Variants in THSD7A observed in about 807,000 individuals in gnomAD.
THSD7A encodes thrombospondin type-1 domain-containing protein 7A.
In THSD7A, 96 loss-of-function variants were observed where a neutral mutation model predicts 231.3. That is an observed-to-expected ratio of 0.41 (90% CI 0.35 to 0.49). The LOEUF is 0.49. THSD7A is among the 20% of genes least tolerant of loss of function. The probability of loss-of-function intolerance (pLI) is 0.05; values close to 1 mark genes in which losing one functional copy is unlikely to be tolerated. For missense variants in THSD7A, 2,290 were observed against 2,070.2 expected, an observed-to-expected ratio of 1.11 and a Z score of -2.06; for synonymous variants, 940 against 743.3, an observed-to-expected ratio of 1.26 and a Z score of -4.30.
At chr7:11,717,290 T>G (rs555751364) in intron 1 of THSD7A, among the ~76,000 whole-genome samples, 1 of 151,826 alleles carries the variant, frequency 6.6e-6, no homozygotes, top group African/African-American at 2.4e-5. Context: ...AATAACCACA[T>G]GCACTGGGAT....
chr7:11,573,316 T>C (rs1257784385), intron 4 of THSD7A, among the ~76,000 whole-genome samples: 4 of 152,232 alleles, frequency 2.6e-5, no homozygotes, highest in African/African-American at 7.2e-5. Flanking sequence ...ACTGAGACTC[T>C]TGGACTCTGT....
At chr7:11,556,404 C>A (rs1789847189) in intron 4 of THSD7A, among the ~76,000 whole-genome samples, 1 of 151,572 alleles carries the variant, frequency 6.6e-6, no homozygotes, top group Non-Finnish European at 1.5e-5. Flanking sequence ...AAATCTTACC[C>A]TCCCTCATTT....
chr7:11,394,064 T>G (rs80098693), intron 23 of THSD7A, among the ~76,000 whole-genome samples: 2 of 151,958 alleles, frequency 1.3e-5, no homozygotes, highest in African/African-American at 4.8e-5. Flanking sequence ...CACATAATCA[T>G]CCGATTCACA....
At chr7:11,706,856 A>G (rs1470137552) in intron 1 of THSD7A, among the ~76,000 whole-genome samples, 1 of 150,622 alleles carries the variant, frequency 6.6e-6, no homozygotes, top group Non-Finnish European at 1.5e-5. Context: ...GTCATTAGTC[A>G]TCTTCTTGTC....
intron 26 of THSD7A, 69 bp downstream of exon 26, chr7:11,379,001 T>C: frequency 6.7e-7 from 1 of 1,492,576 alleles, no homozygotes; most frequent in Non-Finnish European, 9.2e-7. Context: ...TTTGCTCACT[T>C]TTTTAATCCT....
intron 11 of THSD7A, among the ~76,000 whole-genome samples, chr7:11,459,665 ATTTTTTTTTT>A (rs34415355): frequency 0.2 from 8,130 of 39,774 alleles, 665 homozygotes; most frequent in Admixed American, 0.22. Flanking sequence ...AAAACAGGGG[ATTTTTTTTTT>A]TTTTTTTTTT....
At position 11,469,904 on chromosome 7, in the gene THSD7A, T is replaced by C. The variant is rs1562634963; in HGVS notation, c.2343A>G (p.Thr781=). Residue 781 remains threonine (T), a synonymous_variant, in exon 9 of 28, where the codon ACA becomes ACG. Coordinates refer to ENST00000423059, the MANE Select transcript of THSD7A (RefSeq NM_015204.3). ...DCIVTPYSDW[T]SCPSSCKEGD... is the part of the protein sequence containing the mutation. ...CTTCTTTACACGAAGAGGGGCATGA[T>C]GTCCAGTCACTATATGGGGTCACAA... 1 of 1,600,466 alleles carries C rather than the reference T, an allele frequency of 6.2e-7. No individual in the cohort carries two copies. Among genetic ancestry groups the C allele is most frequent in the Non-Finnish European group, 8.5e-7 (1 of 1,172,546 alleles).
intron 1 of THSD7A, chr7:11,820,217 A>T (rs567146190): frequency 1.9e-5 from 7 of 359,046 alleles, no homozygotes; most frequent in Non-Finnish European, 2.6e-5. Context: ...TGGGGGTAGG[A>T]TTTTTCAGAA....
At chr7:11,531,048 G>A (rs1788689442) in intron 6 of THSD7A, among the ~76,000 whole-genome samples, 2 of 152,108 alleles carry the variant, frequency 1.3e-5, no homozygotes, top group South Asian at 2.1e-4. Context: ...GCTGAATGAT[G>A]TGATCAAGAG....
At position 11,590,379 on chromosome 7, in the gene THSD7A, G is replaced by A; in HGVS notation, c.1453+81C>T. The stretch of plus-strand genomic sequence containing the variant: ...AAATGCAGCCCTCATAACCTGGATG[G>A]CTGTGTATATATCCCTTCAGAGCAA... On this transcript the variant is annotated intron_variant, in intron 4 of 27. Transcript: ENST00000423059. This position sits in a 1 kb window ranked among gnomAD's most constrained non-coding sequence, Gnocchi z 4.4. 7.0e-7 allele frequency: 1 copy of A among 1,430,264 alleles called. No individual in the cohort carries two copies. Among genetic ancestry groups the A allele is most frequent in the South Asian group, 1.4e-5 (1 of 69,660 alleles). 88.6% of individuals were successfully genotyped at this position (1,430,264 alleles called of 1,614,324 possible).
intron 2 of THSD7A, among the ~76,000 whole-genome samples, chr7:11,623,507 A>G (rs1781383273): frequency 6.6e-6 from 1 of 152,128 alleles, no homozygotes; most frequent in South Asian, 2.1e-4. Flanking sequence ...CTCAGGGCAG[A>G]CTTCCTGATT....
At chr7:11,568,888 G>A (rs1790494665) in intron 4 of THSD7A, among the ~76,000 whole-genome samples, 2 of 150,130 alleles carry the variant, frequency 1.3e-5, no homozygotes, top group Admixed American at 6.6e-5. Context: ...AAAGTTGCAA[G>A]ATACAAAATT....
chr7:11,404,109 T>C (rs1455579921), intron 22 of THSD7A, among the ~76,000 whole-genome samples: 1 of 152,134 alleles, frequency 6.6e-6, no homozygotes, highest in Non-Finnish European at 1.5e-5. Flanking sequence ...GTAATTTTCC[T>C]TCACATCATT....
chr7:11,482,857 C>G (rs548923292), intron 6 of THSD7A, among the ~76,000 whole-genome samples: 2 of 152,116 alleles, frequency 1.3e-5, no homozygotes, highest in South Asian at 4.2e-4. Flanking sequence ...ATATAAAAGG[C>G]CAATGAGAAA....
rs781703042 is a variant in THSD7A, at chr7:11,444,518, T to C, written c.3064+1543A>G. Among the ~76,000 whole-genome samples the C allele has an allele frequency of 2.6e-5, 4 of 151,830 alleles. No individual in the cohort carries two copies. The highest frequency in any genetic ancestry group is 5.9e-5 in the Non-Finnish European group (4 of 67,954). ...AACACAAGAACAGAAAACCAAACTC[T>C]GCATGTTCTCACTCAAAAGTGAAAG... On this transcript the variant is annotated intron_variant, in intron 13 of 27. Coordinates refer to ENST00000423059, the MANE Select transcript of THSD7A (RefSeq NM_015204.3). The surrounding 1 kb of genome is among the most constrained non-coding windows in gnomAD (Gnocchi z 4.2).
At chr7:11,576,365 T>C (rs1790904704) in intron 4 of THSD7A, among the ~76,000 whole-genome samples, 1 of 152,214 alleles carries the variant, frequency 6.6e-6, no homozygotes, top group Non-Finnish European at 1.5e-5. Context: ...TCTGAAGCCA[T>C]CAATTTGAGT....
At chr7:11,776,772 A>C (rs1021448137) in intron 1 of THSD7A, among the ~76,000 whole-genome samples, 3 of 152,206 alleles carry the variant, frequency 2.0e-5, no homozygotes, top group African/African-American at 7.2e-5. Flanking sequence ...CTAGTAAAAT[A>C]GTTTTTATAT....
chr7:11,465,427 A>G (rs1332055516), intron 9 of THSD7A, among the ~76,000 whole-genome samples: 2 of 152,160 alleles, frequency 1.3e-5, no homozygotes, highest in Admixed American at 6.6e-5. Flanking sequence ...ACATCTAGCA[A>G]ATAATCATGT....
intron 6 of THSD7A, among the ~76,000 whole-genome samples, chr7:11,487,035 C>T (rs543925528): frequency 7.9e-5 from 12 of 152,202 alleles, no homozygotes; most frequent in African/African-American, 2.4e-4. Context: ...TTGTATTCCT[C>T]CATTTATCTT....
Sources: gnomAD v4.1 joint callset for allele counts (sites outside exome capture counted in the v4.1 genomes callset) on GRCh38, gnomAD v4.1.1 for gene constraint, Gnocchi (gnomAD v3.1) non-coding constraint, MANE v1.5 for transcripts, NCBI Gene and HGNC (gene_info 2026-07-23, HGNC 2026-07-21) for gene names.